Variants in XRN1 observed in about 807,000 individuals in gnomAD.
The protein encoded by XRN1 is 5'-3' exoribonuclease 1.
XRN1 carries 67 observed loss-of-function variants against 222.3 expected under a neutral mutation model. The ratio of observed to expected loss-of-function variants is 0.30; its 90% CI spans 0.25 to 0.37. The LOEUF (loss-of-function observed/expected upper bound fraction) is 0.37, where lower values mean the gene tolerates loss of function less well. Ranked by LOEUF, XRN1 falls within the 10% of genes least tolerant of loss-of-function variation. The pLI is 1.00. For missense variants in XRN1, 1,707 were observed against 2,000.2 expected (o/e 0.85, Z 2.80); for synonymous variants, 643 against 652.4 (o/e 0.99, Z 0.22).
At chr3:142,377,051 C>T (rs1329730281) in intron 23 of XRN1, among the ~76,000 whole-genome samples, 2 of 151,974 alleles carry the variant, frequency 1.3e-5, no homozygotes, top group African/African-American at 4.8e-5. Context: ...ATCGTTGCTA[C>T]TGAGAAAAAC....
intron 25 of XRN1, among the ~76,000 whole-genome samples, chr3:142,373,180 T>A (rs1287088701): frequency 6.6e-6 from 1 of 152,076 alleles, no homozygotes; most frequent in East Asian, 1.9e-4. Context: ...CCATTCACTG[T>A]AAGAACAAGA....
chr3:142,367,179 C>G (rs2066842833), intron 27 of XRN1, among the ~76,000 whole-genome samples: 1 of 151,980 alleles, frequency 6.6e-6, no homozygotes, highest in Non-Finnish European at 1.5e-5. Context: ...CCCAGCTACT[C>G]AGGAGGCTGA....
At chr3:142,399,706 T>C (rs1338379658) in intron 19 of XRN1, among the ~76,000 whole-genome samples, 4 of 151,410 alleles carry the variant, frequency 2.6e-5, no homozygotes, top group Non-Finnish European at 5.9e-5. Flanking sequence ...TCATCAACAT[T>C]ACATAAAATA....
intron 1 of XRN1, among the ~76,000 whole-genome samples, chr3:142,433,379 G>A (rs1448150201): frequency 6.6e-6 from 1 of 152,120 alleles, no homozygotes; most frequent in Non-Finnish European, 1.5e-5. Flanking sequence ...TCACTGATTG[G>A]TTATATTAAT....
intron 34 of XRN1, among the ~76,000 whole-genome samples, chr3:142,334,587 T>C (rs1476909515): frequency 1.3e-5 from 2 of 151,844 alleles, no homozygotes; most frequent in African/African-American, 2.4e-5. Context: ...AGTTAGCCTG[T>C]TAAATTTGCT....
chr3:142,350,815 C>A (rs1049080266), intron 32 of XRN1, among the ~76,000 whole-genome samples: 6 of 152,080 alleles, frequency 3.9e-5, no homozygotes, highest in African/African-American at 1.4e-4. Flanking sequence ...GAGGGAGTGG[C>A]TATTAACTGA....
chr3:142,376,546 C>T lies in XRN1; in HGVS notation c.2764G>A (p.Gly922Arg). 1 of 1,613,278 alleles carries T rather than the reference C, an allele frequency of 6.2e-7. No individual in the cohort carries two copies. The highest frequency in any genetic ancestry group is 8.5e-7 in the Non-Finnish European group (1 of 1,179,508). ...NPGYVLASRL[G>R]VSGYLVSRFT... ...CTTGAAACAAGGTATCCACTCACTC[C>T]AAGGCGACTGGCCAACACATATCCT... The change falls in exon 24 of 41, where the codon GGA becomes AGA. Residue 922 changes from glycine to arginine, a missense_variant. Gly to Arg is a moderately radical substitution (Grantham distance 125, BLOSUM62 -2). Around this residue, in one of 2 missense-constraint regions of XRN1, gnomAD observed 1,234 missense variants for 1,518.2 expected, o/e 0.81. Transcript: ENST00000392981.
At chr3:142,439,901 A>G (rs2070118788) in intron 1 of XRN1, among the ~76,000 whole-genome samples, 1 of 152,218 alleles carries the variant, frequency 6.6e-6, no homozygotes, top group Non-Finnish European at 1.5e-5. Flanking sequence ...TTGTCCAAGT[A>G]GAAATAAGCC....
At chr3:142,412,098 A>G (rs1008247890) in intron 15 of XRN1, among the ~76,000 whole-genome samples, 1 of 152,174 alleles carries the variant, frequency 6.6e-6, no homozygotes, top group Non-Finnish European at 1.5e-5. Context: ...TGCTGGGATT[A>G]CAGGCGTGAG....
At chr3:142,361,039 T>A (rs1275580763) in intron 29 of XRN1, among the ~76,000 whole-genome samples, 1 of 152,210 alleles carries the variant, frequency 6.6e-6, no homozygotes, top group Non-Finnish European at 1.5e-5. Flanking sequence ...ACTTTCCATG[T>A]CCTTTTGTAA....
At chr3:142,402,304 T>C (rs2068173431) in intron 18 of XRN1, among the ~76,000 whole-genome samples, 1 of 152,074 alleles carries the variant, frequency 6.6e-6, no homozygotes, top group Admixed American at 6.5e-5. Context: ...TGCCTCAGCC[T>C]CCCGAGTAGC....
At position 142,348,643 on chromosome 3, in the gene XRN1, A is replaced by C. The variant is rs113918447; in HGVS notation, c.3769-1301T>G. Among the ~76,000 whole-genome samples, 777 of 152,290 alleles carry C rather than the reference A, an allele frequency of 5.1e-3. 9 individuals carry two copies. The highest frequency in any genetic ancestry group is 0.018 in the African/African-American group (755 of 41,558). On this transcript the variant is annotated intron_variant, in intron 32 of 40. Coordinates refer to ENST00000392981, the MANE Select transcript of XRN1 (RefSeq NM_001282857.2). ...TTTGGTAGGCTCTATTTACTTTCTTATCAGCACAGACAAATGGACACTGGG... is the reference window on the plus strand; with the variant it reads ...TTTGGTAGGCTCTATTTACTTTCTTCTCAGCACAGACAAATGGACACTGGG...
chr3:142,318,355 T>C (rs971169480), intron 39 of XRN1, among the ~76,000 whole-genome samples: 2 of 152,178 alleles, frequency 1.3e-5, no homozygotes, highest in Non-Finnish European at 2.9e-5. Flanking sequence ...AATTTATCTG[T>C]TAGCAGCTAC....
chr3:142,372,735 G>A (rs187454889), intron 25 of XRN1, among the ~76,000 whole-genome samples: 98 of 152,292 alleles, frequency 6.4e-4, no homozygotes, highest in Non-Finnish European at 7.8e-4. Context: ...GGTCTGGGAG[G>A]TGTATCACAG....
At chr3:142,419,159 T>A (rs1359291152) in intron 10 of XRN1, among the ~76,000 whole-genome samples, 1 of 152,164 alleles carries the variant, frequency 6.6e-6, no homozygotes, top group Non-Finnish European at 1.5e-5. Flanking sequence ...CAACTTCCTG[T>A]GTCTGGGCTA....
intron 21 of XRN1, among the ~76,000 whole-genome samples, chr3:142,383,927 G>A (rs1272517688): frequency 2.0e-5 from 3 of 152,102 alleles, no homozygotes; most frequent in African/African-American, 7.2e-5. Flanking sequence ...AAAATTCAAG[G>A]GTGTAAGTTA....
At position 142,381,108 on chromosome 3, in the gene XRN1, AAAAG is replaced by A. The variant is rs542405811; in HGVS notation, c.2617-932_2617-929del. Among the ~76,000 whole-genome samples, 594 of 152,188 alleles carry A rather than the reference AAAAG, an allele frequency of 3.9e-3. 4 individuals are homozygous for A. Among genetic ancestry groups the A allele is most frequent in the African/African-American group, 0.013 (547 of 41,526 alleles). ...GAGCGAGACTCTGTCTCCAAAAAAA[AAAAG>A]AAAGAAAGAAAAGAAAAAAAATTTA... On this transcript the variant is annotated intron_variant, in intron 22 of 40. Transcript: ENST00000392981.
chr3:142,385,956 A>G (rs1479282935), intron 20 of XRN1, among the ~76,000 whole-genome samples: 1 of 151,228 alleles, frequency 6.6e-6, no homozygotes, highest in Admixed American at 6.6e-5. Context: ...AGTATATAAT[A>G]TAGACTATAT....
Position 142,447,970 on chromosome 3 carries a change from C to A in XRN1, c.-26G>T, listed in dbSNP as rs758143346. The A allele has an allele frequency of 5.0e-6, 8 of 1,611,538 alleles. No homozygotes were observed. The South Asian group carries it at 8.8e-5, about 18-fold the overall frequency. ...TTCGATCGTCAACACTAATCCCAGTCAGGGCCAAACCGAAACCAAACGCCC... is the reference window on the plus strand; with the variant it reads ...TTCGATCGTCAACACTAATCCCAGTAAGGGCCAAACCGAAACCAAACGCCC... On this transcript the variant is annotated 5_prime_UTR_variant, in exon 1 of 41. Transcript: ENST00000392981. This position sits in a 1 kb window ranked among gnomAD's most constrained non-coding sequence, Gnocchi z 4.2.
Sources: allele counts gnomAD v4.1 joint callset (sites outside exome capture counted in the v4.1 genomes callset), GRCh38; gene constraint gnomAD v4.1.1; regional missense constraint gnomAD v4.1.1; non-coding constraint Gnocchi (gnomAD v3.1); transcripts MANE v1.5; gene names NCBI Gene and HGNC (gene_info 2026-07-23, HGNC 2026-07-21).